The following PACRG variants were observed in gnomAD, a reference collection of about 807,000 sequenced individuals.
PACRG encodes the protein parkin coregulated gene protein.
In PACRG, 29 loss-of-function variants were observed where a neutral mutation model predicts 29.7. The ratio of observed to expected loss-of-function variants is 0.98; its 90% CI spans 0.73 to 1.33. PACRG has a LOEUF of 1.33. Ranked by LOEUF, PACRG falls within the 40% of genes most tolerant of loss-of-function variation. PACRG has a pLI of 0.00. For synonymous variants in PACRG, 116 were observed against 118.7 expected (o/e 0.98, Z 0.15); for missense variants, 279 against 316.2 (o/e 0.88, Z 0.89).
At chr6:163,136,942 C>G (rs1378142282) in intron 4 of PACRG, among the ~76,000 whole-genome samples, 1 of 152,160 alleles carries the variant, frequency 6.6e-6, no homozygotes, top group Non-Finnish European at 1.5e-5. Context: ...TAGTAGATTC[C>G]TCAAATATAA....
chr6:163,300,122 AC>A (rs1170216846), intron 4 of PACRG, among the ~76,000 whole-genome samples: 2 of 152,220 alleles, frequency 1.3e-5, no homozygotes, highest in Non-Finnish European at 2.9e-5. Context: ...TGAGCCCTTT[AC>A]CCAGGTCTCC....
intron 2 of PACRG, among the ~76,000 whole-genome samples, chr6:162,981,305 A>ATATATATATATATATTTTTTTTTT (rs925663285): frequency 1.1e-4 from 17 of 149,128 alleles, no homozygotes; most frequent in African/African-American, 2.0e-4. Flanking sequence ...ATATATATAT[A>ATATATATATATATATTTTTTTTTT]TTTACAATGG....
intron 2 of PACRG, among the ~76,000 whole-genome samples, chr6:163,041,113 G>A (rs1007283345): frequency 7.2e-5 from 11 of 152,030 alleles, no homozygotes; most frequent in South Asian, 2.1e-4. Flanking sequence ...CAAGGCGGGC[G>A]GATCACGAGG....
At chr6:163,089,455 G>A (rs752635823) in intron 4 of PACRG, 47 bp downstream of exon 4, 1 of 1,598,712 alleles carries the variant, frequency 6.3e-7, no homozygotes. Context: ...AAAGAAAAAG[G>A]GAGTGGTTTG....
intron 2 of PACRG, among the ~76,000 whole-genome samples, chr6:162,829,534 G>A (rs1320819380): frequency 6.6e-6 from 1 of 152,204 alleles, no homozygotes; most frequent in African/African-American, 2.4e-5. Flanking sequence ...TTTGTGCAGT[G>A]TATACAATTA....
chr6:163,219,398 C>T (rs886083155), intron 4 of PACRG, among the ~76,000 whole-genome samples: 2 of 152,228 alleles, frequency 1.3e-5, no homozygotes, highest in African/African-American at 2.4e-5. Context: ...TGTGTCTTCC[C>T]AAGCCTTCAC....
At chr6:163,132,048 T>C (rs1258543017) in intron 4 of PACRG, among the ~76,000 whole-genome samples, 1 of 152,218 alleles carries the variant, frequency 6.6e-6, no homozygotes, top group African/African-American at 2.4e-5. Flanking sequence ...TGTGATTTGG[T>C]TTGTCTAGCT....
At position 163,225,085 on chromosome 6, in the gene PACRG, C is replaced by T. The variant is rs182832527; in HGVS notation, c.614-89742C>T. 3.9e-5 allele frequency among the ~76,000 whole-genome samples: 6 copies of T among 152,168 alleles called. No homozygotes were observed. The East Asian group carries it at 9.7e-4, about 25-fold the overall frequency. ...AAGACATACAGATGGCAAACAGGTA[C>T]ATGAAAAAATGGTCAGCATCAGTAA... On this transcript the variant is annotated intron_variant, in intron 4 of 4. Coordinates refer to ENST00000366888, the MANE Select transcript of PACRG (RefSeq NM_001080379.2).
At chr6:162,863,555 G>A (rs1198528376) in intron 2 of PACRG, among the ~76,000 whole-genome samples, 2 of 152,194 alleles carry the variant, frequency 1.3e-5, no homozygotes, top group Non-Finnish European at 2.9e-5. Flanking sequence ...CTACAGGCTG[G>A]GTACCACTGA....
chr6:163,306,833 CAA>C (rs1207579102), intron 4 of PACRG, among the ~76,000 whole-genome samples: 2 of 151,984 alleles, frequency 1.3e-5, no homozygotes, highest in African/African-American at 4.8e-5. Context: ...ATGCTTATTC[CAA>C]AGTTACATTG....
chr6:163,010,882 C>G (rs2128210399), intron 2 of PACRG, among the ~76,000 whole-genome samples: 1 of 152,332 alleles, frequency 6.6e-6, no homozygotes, highest in South Asian at 2.1e-4. Flanking sequence ...TGAGCGCGGG[C>G]CCCTCCAGAG....
intron 4 of PACRG, among the ~76,000 whole-genome samples, chr6:163,119,065 T>C (rs1479637177): frequency 1.3e-5 from 2 of 152,208 alleles, no homozygotes; most frequent in Admixed American, 6.5e-5. Flanking sequence ...AGGGGCTCTT[T>C]CAGGCATGAG....
At chr6:163,194,574 G>A (rs976985648) in intron 4 of PACRG, among the ~76,000 whole-genome samples, 1 of 152,188 alleles carries the variant, frequency 6.6e-6, no homozygotes, top group African/African-American at 2.4e-5. Flanking sequence ...CTGACAGCCA[G>A]TCATTCCTGG....
At chr6:162,955,947 T>G (rs1297366924) in intron 2 of PACRG, among the ~76,000 whole-genome samples, 1 of 151,976 alleles carries the variant, frequency 6.6e-6, no homozygotes, top group Non-Finnish European at 1.5e-5. Context: ...CATTGGCAGG[T>G]GGGAGCAGCC....
At chr6:162,885,045 C>T (rs1794214634) in intron 2 of PACRG, among the ~76,000 whole-genome samples, 5 of 152,062 alleles carry the variant, frequency 3.3e-5, no homozygotes, top group Admixed American at 2.6e-4. Flanking sequence ...CAATGTTACC[C>T]ACATCACTTG....
intron 4 of PACRG, among the ~76,000 whole-genome samples, chr6:163,162,528 C>T (rs750035449): frequency 4.6e-5 from 7 of 152,196 alleles, no homozygotes; most frequent in African/African-American, 9.7e-5. Flanking sequence ...CCATCTGATG[C>T]CACAAGAGAA....
chr6:162,791,854 C>A (rs1186226896), intron 1 of PACRG, among the ~76,000 whole-genome samples: 1 of 152,114 alleles, frequency 6.6e-6, no homozygotes, highest in African/African-American at 2.4e-5. Context: ...GGGGGTCAAT[C>A]CCAGCAGGAC....
intron 4 of PACRG, among the ~76,000 whole-genome samples, chr6:163,141,094 C>T (rs540029427): frequency 3.3e-5 from 5 of 152,142 alleles, no homozygotes; most frequent in South Asian, 4.1e-4. Flanking sequence ...AAAAGGCAGA[C>T]GCCACAAAGA....
At chr6:163,226,631 C>A (rs1405538787) in intron 4 of PACRG, among the ~76,000 whole-genome samples, 1 of 152,168 alleles carries the variant, frequency 6.6e-6, no homozygotes, top group African/African-American at 2.4e-5. Context: ...CATTAGCCAG[C>A]CCATGCAGGC....
Sources: gnomAD v4.1 joint callset for allele counts (sites outside exome capture counted in the v4.1 genomes callset) on GRCh38, gnomAD v4.1.1 for gene constraint, MANE v1.5 for transcripts, NCBI Gene and HGNC (gene_info 2026-07-23, HGNC 2026-07-21) for gene names.